The following CLUL1 variants were observed in gnomAD, a reference collection of about 807,000 sequenced individuals.
The protein encoded by CLUL1 is clusterin like 1.
A neutral mutation model predicts 49.4 loss-of-function variants in CLUL1; 43 were observed. The ratio of observed to expected loss-of-function variants is 0.87; its 90% CI spans 0.68 to 1.12. The LOEUF (loss-of-function observed/expected upper bound fraction) is 1.12. Among genes scored for constraint, CLUL1 ranks in the 50% most tolerant of loss-of-function variants. The probability of loss-of-function intolerance (pLI) is 0.00; values close to 1 mark genes in which losing one functional copy is unlikely to be tolerated. For missense variants in CLUL1, 486 were observed against 544.4 expected, an observed-to-expected ratio of 0.89 and a Z score of 1.07; for synonymous variants, 192 against 184.9, an observed-to-expected ratio of 1.04 and a Z score of -0.31.
At chr18:646,497 G>GACACACACACACACACAC in intron 9 of CLUL1, among the ~76,000 whole-genome samples, 1 of 141,274 alleles carries the variant, frequency 7.1e-6, no homozygotes, top group Non-Finnish European at 1.5e-5. Flanking sequence ...CAGATAGATA[G>GACACACACACACACACAC]ACACACACAC....
At chr18:624,599 C>G (rs1183848972) in intron 4 of CLUL1, among the ~76,000 whole-genome samples, 1 of 152,198 alleles carries the variant, frequency 6.6e-6, no homozygotes, top group Non-Finnish European at 1.5e-5. Context: ...AGAGTAATGT[C>G]TGTCACATAG....
intron 6 of CLUL1, among the ~76,000 whole-genome samples, chr18:629,031 C>T (rs1385586266): frequency 5.3e-5 from 8 of 152,164 alleles, no homozygotes; most frequent in African/African-American, 1.4e-4. Context: ...TTCTCAAAAT[C>T]GCCATGACAT....
In CLUL1 at chr18:645,792, T is replaced by TAAAAAA. The variant is rs869103727; in HGVS notation, c.1397+709_1397+714dup. On this transcript the variant is annotated intron_variant, in intron 9 of 9. Coordinates refer to ENST00000692774, the MANE Select transcript of CLUL1 (RefSeq NM_001393344.1). ...CTGGGCGACAGAGCGAGACTCTGTT[T>TAAAAAA]AAAAAAAAAAAAAAAAAAATATATA... Among the ~76,000 whole-genome samples the TAAAAAA allele has an allele frequency of 8.4e-3, 134 of 16,032 alleles. 42 individuals are homozygous for TAAAAAA. Among genetic ancestry groups the TAAAAAA allele is most frequent in the East Asian group, 0.036 (9 of 250 alleles). 10.5% of individuals were successfully genotyped at this position (16,032 alleles called of 152,430 possible).
chr18:605,431 C>T (rs910648652), intron 1 of CLUL1, among the ~76,000 whole-genome samples: 2 of 151,934 alleles, frequency 1.3e-5, no homozygotes, highest in African/African-American at 4.8e-5. Flanking sequence ...AATTTGAGAC[C>T]AGCCTGGGCA....
chr18:637,573 A>G (rs2074184032), intron 7 of CLUL1, among the ~76,000 whole-genome samples: 1 of 152,152 alleles, frequency 6.6e-6, no homozygotes, highest in South Asian at 2.1e-4. Flanking sequence ...GACAATTTTG[A>G]CATCTAGAAT....
rs368253121 is a variant in CLUL1, at chr18:626,903, GAA to G, written c.424-192_424-191del. 0.021 allele frequency among the ~76,000 whole-genome samples: 12 copies of G among 570 alleles called. 2 individuals are homozygous for G. In the Non-Finnish European group the frequency reaches 0.31, roughly 15 times the overall value. 0.4% of individuals were successfully genotyped at this position (570 alleles called of 152,430 possible). ...AGAAAGAAAGAAAGAAAGAAAGAAA[GAA>G]AGAAAGAAAGAAAGAAAGAAAGAAG... On this transcript the variant is annotated intron_variant, in intron 5 of 9. Coordinates refer to ENST00000692774, the MANE Select transcript of CLUL1 (RefSeq NM_001393344.1).
chr18:639,861 C>G (rs8086612), intron 7 of CLUL1, among the ~76,000 whole-genome samples: 31,637 of 151,844 alleles, frequency 0.21, 4,123 homozygotes, highest in East Asian at 0.55. Flanking sequence ...AATGAAGGAA[C>G]CAGCAGGGTG....
intron 2 of CLUL1, among the ~76,000 whole-genome samples, chr18:611,316 C>T (rs1236725749): frequency 1.4e-5 from 2 of 145,828 alleles, no homozygotes; most frequent in Admixed American, 1.4e-4. Flanking sequence ...GACCCTCTTT[C>T]TGTGGCAGAT....
At chr18:647,687 C>A (rs1340659333) in intron 9 of CLUL1, among the ~76,000 whole-genome samples, 1 of 152,144 alleles carries the variant, frequency 6.6e-6, no homozygotes, top group East Asian at 1.9e-4. Flanking sequence ...CCATGTAGTA[C>A]CCCTTTGTTT....
intron 7 of CLUL1, among the ~76,000 whole-genome samples, chr18:639,601 C>A (rs893886395): frequency 1.3e-5 from 2 of 151,162 alleles, no homozygotes; most frequent in Admixed American, 6.6e-5. Context: ...CCCGTCTCTA[C>A]TAAAACTACA....
intron 5 of CLUL1, 32 bp downstream of exon 5, chr18:625,064 G>A: frequency 1.9e-6 from 3 of 1,601,836 alleles, no homozygotes; most frequent in Non-Finnish European, 2.6e-6. Flanking sequence ...AGATTTCACA[G>A]TTCTTGAGGC....
rs527434668 is a variant in CLUL1, at chr18:639,826, T to C, written c.995-1501T>C. Among the ~76,000 whole-genome samples, 3 of 152,162 alleles carry C rather than the reference T, an allele frequency of 2.0e-5. No homozygotes were observed. The East Asian group carries it at 5.8e-4, about 29-fold the overall frequency. Reference sequence around the variant, plus strand: ...AAAAAAGAAATGGGCACATGTCAAATGTTAATTTGACTATGTAACTTATTA... The same window carrying C: ...AAAAAAGAAATGGGCACATGTCAAACGTTAATTTGACTATGTAACTTATTA... On this transcript the variant is annotated intron_variant, in intron 7 of 9. Coordinates refer to ENST00000692774, the MANE Select transcript of CLUL1 (RefSeq NM_001393344.1).
intron 1 of CLUL1, among the ~76,000 whole-genome samples, chr18:600,918 C>T (rs962783700): frequency 6.6e-6 from 1 of 152,164 alleles, no homozygotes; most frequent in Non-Finnish European, 1.5e-5. Flanking sequence ...CTAACTGTCC[C>T]TGTTTACCCA....
intron 1 of CLUL1, among the ~76,000 whole-genome samples, chr18:604,086 G>A (rs2072905128): frequency 6.6e-6 from 1 of 152,150 alleles, no homozygotes; most frequent in Non-Finnish European, 1.5e-5. Flanking sequence ...TCACCATTTT[G>A]CCTAGGCTAG....
In CLUL1 at chr18:639,471, C is replaced by T. The variant is rs550867501; in HGVS notation, c.995-1856C>T. On this transcript the variant is annotated intron_variant, in intron 7 of 9. Coordinates refer to ENST00000692774, the MANE Select transcript of CLUL1 (RefSeq NM_001393344.1). ...AAAAAAGCTTCATACAAACATGAAA[C>T]GGGCACATGTCTGGCTGGGTGCGGT... 2.6e-4 allele frequency among the ~76,000 whole-genome samples: 33 copies of T among 128,236 alleles called. No homozygotes were observed. The East Asian group carries it at 3.5e-3, about 14-fold the overall frequency. 84.1% of individuals were successfully genotyped at this position (128,236 alleles called of 152,430 possible).
At chr18:636,956 G>C (rs1361549836) in intron 7 of CLUL1, among the ~76,000 whole-genome samples, 1 of 149,518 alleles carries the variant, frequency 6.7e-6, no homozygotes, top group Non-Finnish European at 1.5e-5. Context: ...TCACCAGCCT[G>C]GGTTCTTTGT....
At chr18:603,930 G>A (rs529245492) in intron 1 of CLUL1, among the ~76,000 whole-genome samples, 2 of 152,296 alleles carry the variant, frequency 1.3e-5, no homozygotes, top group South Asian at 4.1e-4. Context: ...ACCCAGGCTG[G>A]AGTGCAGTGT....
chr18:598,823 C>T (rs1449656008), intron 1 of CLUL1, among the ~76,000 whole-genome samples: 1 of 152,060 alleles, frequency 6.6e-6, no homozygotes, highest in Non-Finnish European at 1.5e-5. Flanking sequence ...AAAAAAAAAG[C>T]ACCCCCTCTT....
chr18:609,327 T>A (rs2143949191), intron 2 of CLUL1, among the ~76,000 whole-genome samples: 1 of 152,262 alleles, frequency 6.6e-6, no homozygotes, highest in Non-Finnish European at 1.5e-5. Flanking sequence ...TTACACTTAT[T>A]CACACAAGAG....
Sources: allele counts gnomAD v4.1 joint callset (sites outside exome capture counted in the v4.1 genomes callset), GRCh38; gene constraint gnomAD v4.1.1; transcripts MANE v1.5; gene names NCBI Gene and HGNC (gene_info 2026-07-23, HGNC 2026-07-21).